The following MDN1 variants were observed in gnomAD, a reference collection of about 807,000 sequenced individuals.
MDN1 encodes the protein midasin.
Under a neutral mutation model 669.2 loss-of-function variants are expected in MDN1, and 266 were observed. The ratio of observed to expected loss-of-function variants is 0.40; its 90% CI spans 0.36 to 0.44. The LOEUF is 0.44. Ranked by LOEUF, MDN1 falls within the 20% of genes least tolerant of loss-of-function variation. The pLI is 1.00. For synonymous variants in MDN1, 2,385 were observed against 2,457.1 expected, an observed-to-expected ratio of 0.97 and a Z score of 0.87; for missense variants, 5,940 against 6,754.0, an observed-to-expected ratio of 0.88 and a Z score of 4.22.
At chr6:89,675,990 A>C (rs1811151128) in intron 77 of MDN1, 112 bp downstream of exon 77, 6 of 895,740 alleles carry the variant, frequency 6.7e-6, no homozygotes. Context: ...CAAAAAGCTC[A>C]GTTCCACTAA....
intron 2 of MDN1, among the ~76,000 whole-genome samples, chr6:89,795,402 C>T (rs1197386173): frequency 2.0e-5 from 3 of 151,248 alleles, no homozygotes; most frequent in East Asian, 1.9e-4. Context: ...TGAATGAAGA[C>T]GACAAGCCTG....
In MDN1 at chr6:89,664,521, A is replaced by G. The variant is rs771072191; in HGVS notation, c.14202T>C (p.Asp4734=). The stretch of plus-strand genomic sequence containing the variant: ...CAAGCTCCCCATCATGCATTTTCCC[A>G]TCAAAATCTTCCGACATCTCAATGG... ...DNAIEMSEDF[D]GKMHDGELEE... is the part of the protein sequence containing the mutation. The change falls in exon 85 of 102, where the codon GAT becomes GAC. Residue 4734 remains aspartate, a synonymous_variant. Coordinates refer to ENST00000369393, the MANE Select transcript of MDN1 (RefSeq NM_014611.3). The G allele has an allele frequency of 1.9e-6, 3 of 1,614,132 alleles. No individual in the cohort carries two copies. Among genetic ancestry groups the G allele is most frequent in the Non-Finnish European group, 1.7e-6 (2 of 1,180,010 alleles).
intron 23 of MDN1, 92 bp downstream of exon 23, chr6:89,751,339 A>C (rs1451088562): frequency 9.6e-6 from 14 of 1,457,182 alleles, no homozygotes; most frequent in Non-Finnish European, 1.3e-5. Flanking sequence ...AATAAGAATA[A>C]AGCTCTTTGA....
intron 83 of MDN1, among the ~76,000 whole-genome samples, chr6:89,670,274 A>C (rs1204460585): frequency 6.8e-6 from 1 of 146,102 alleles, no homozygotes; most frequent in Non-Finnish European, 1.5e-5. Context: ...CCCCGGGTTC[A>C]AACAATTCTC....
At chr6:89,727,460 A>G (rs1815312216) in intron 37 of MDN1, among the ~76,000 whole-genome samples, 4 of 152,146 alleles carry the variant, frequency 2.6e-5, no homozygotes, top group South Asian at 4.1e-4. Flanking sequence ...GTCATTTTGT[A>G]TGTCTTTCCT....
intron 71 of MDN1, 142 bp downstream of exon 71, chr6:89,684,734 T>C (rs1232264715): frequency 1.6e-5 from 9 of 560,854 alleles, no homozygotes; most frequent in South Asian, 5.1e-5. Flanking sequence ...GATGTACATA[T>C]TGCCATCCTC....
At chr6:89,710,128 C>A (rs541946711) in intron 50 of MDN1, among the ~76,000 whole-genome samples, 2 of 152,148 alleles carry the variant, frequency 1.3e-5, no homozygotes, top group East Asian at 3.8e-4. Flanking sequence ...TCAAATATCT[C>A]GTGGTTTGAA....
chr6:89,748,014 C>T (rs1816751560), intron 26 of MDN1, among the ~76,000 whole-genome samples: 1 of 151,320 alleles, frequency 6.6e-6, no homozygotes, highest in African/African-American at 2.4e-5. Flanking sequence ...TTTCTTATGC[C>T]ACATAGAAAA....
rs779474396 is a variant in MDN1, at chr6:89,743,660, T to C, written c.4233A>G (p.Leu1411=). The change falls in exon 30 of 102, where the codon TTA becomes TTG. Residue 1411 remains leucine, a synonymous_variant. Coordinates refer to ENST00000369393, the MANE Select transcript of MDN1 (RefSeq NM_014611.3). ...QVFAALANQK[L]YSVSCHLHME... is the part of the protein sequence containing the mutation. ...TGTGTAAGTGGCAGCTGACAGAGTATAATTTCTGATTTGCCAAGGCTGCAA... is the reference window on the plus strand; with the variant it reads ...TGTGTAAGTGGCAGCTGACAGAGTACAATTTCTGATTTGCCAAGGCTGCAA... The C allele has an allele frequency of 1.7e-5, 28 of 1,614,022 alleles. No homozygotes were observed. Among genetic ancestry groups the C allele is most frequent in the African/African-American group, 2.7e-5 (2 of 74,932 alleles).
rs779377591 is a variant in MDN1, at chr6:89,732,742, A to G, written c.4757T>C (p.Ile1586Thr). ...AAACTCTTGGTGGGTCAGCCAGTCAATGAAATCCAGCATCACTTCAGGTAT... is the reference window on the plus strand; with the variant it reads ...AAACTCTTGGTGGGTCAGCCAGTCAGTGAAATCCAGCATCACTTCAGGTAT... ...SDIPEVMLDF[I>T]DWLTHQEFGR... Residue 1586 changes from isoleucine (I) to threonine (T), a missense_variant, in exon 34 of 102, where the codon ATT becomes ACT. Ile to Thr is a moderately conservative substitution (Grantham distance 89, BLOSUM62 -1). This residue lies in a region of MDN1 where 2,292 missense variants were observed against 2,638.3 expected (regional missense o/e 0.87). Coordinates refer to ENST00000369393, the MANE Select transcript of MDN1 (RefSeq NM_014611.3). 15 of 1,614,152 alleles carry G rather than the reference A, an allele frequency of 9.3e-6. No homozygotes were observed. The highest frequency in any genetic ancestry group is 1.3e-5 in the Non-Finnish European group (15 of 1,179,994).
intron 1 of MDN1, among the ~76,000 whole-genome samples, chr6:89,812,139 C>T (rs999454065): frequency 6.6e-6 from 1 of 151,892 alleles, no homozygotes; most frequent in African/African-American, 2.4e-5. Flanking sequence ...GCATGCGCCA[C>T]CACACCCGGC....
Position 89,687,382 on chromosome 6 carries a change from G to T in MDN1, c.11412C>A (p.Ile3804=), listed in dbSNP as rs1386258431. 1 of 1,614,060 alleles carries T rather than the reference G, an allele frequency of 6.2e-7. No homozygotes were observed. Among genetic ancestry groups the T allele is most frequent in the East Asian group, 2.2e-5 (1 of 44,864 alleles). ...TACGCCACCGAATGATCATCTGACT[G>T]ATCAAATCAAGATGTTTCCGCAAAG... ...ALSLRKHLDL[I]SQMIIRWRKL... The change falls in exon 68 of 102, where the codon ATC becomes ATA. Residue 3804 remains isoleucine (I), a synonymous_variant. Transcript: ENST00000369393.
At chr6:89,793,726 G>C in intron 5 of MDN1, 36 bp downstream of exon 5, 1 of 1,558,524 alleles carries the variant, frequency 6.4e-7, no homozygotes, top group East Asian at 2.3e-5. Context: ...GTTTAGTAGG[G>C]GGAAGGGGAC....
chr6:89,687,477 C>G, intron 67 of MDN1, 39 bp from the exon 68 acceptor site: 1 of 1,561,912 alleles, frequency 6.4e-7, no homozygotes, highest in Non-Finnish European at 8.8e-7. Flanking sequence ...AGATATTATT[C>G]AATGCCATAA....
chr6:89,811,746 G>T (rs1328734880), intron 1 of MDN1, among the ~76,000 whole-genome samples: 1 of 151,932 alleles, frequency 6.6e-6, no homozygotes, highest in East Asian at 1.9e-4. Context: ...AACCAGCCAG[G>T]ATTTACTTCT....
At chr6:89,802,268 T>A (rs1267239258) in intron 2 of MDN1, among the ~76,000 whole-genome samples, 1 of 152,214 alleles carries the variant, frequency 6.6e-6, no homozygotes, top group Non-Finnish European at 1.5e-5. Flanking sequence ...CAACAGTGTT[T>A]TCCCCCAAGT....
intron 100 of MDN1, among the ~76,000 whole-genome samples, 194 bp from the exon 101 acceptor site, chr6:89,645,351 T>C (rs1166747830): frequency 6.6e-6 from 1 of 152,162 alleles, no homozygotes; most frequent in African/African-American, 2.4e-5. Flanking sequence ...AATGCTTGAG[T>C]CAGAGACAAG....
At chr6:89,779,030 CTTCT>C (rs1483055826) in intron 11 of MDN1, among the ~76,000 whole-genome samples, 1 of 150,952 alleles carries the variant, frequency 6.6e-6, no homozygotes, top group African/African-American at 2.4e-5. Flanking sequence ...CTATGCACAC[CTTCT>C]TTATTTAAAT....
intron 26 of MDN1, among the ~76,000 whole-genome samples, 168 bp downstream of exon 26, chr6:89,749,055 C>T (rs566576306): frequency 2.0e-5 from 3 of 151,830 alleles, no homozygotes; most frequent in Admixed American, 6.6e-5. Flanking sequence ...TAGAGTGAGA[C>T]TGTGTCTTGC....
Sources: gnomAD v4.1 joint callset for allele counts (sites outside exome capture counted in the v4.1 genomes callset) on GRCh38, gnomAD v4.1.1 for gene constraint, gnomAD v4.1.1 regional missense constraint, MANE v1.5 for transcripts, NCBI Gene and HGNC (gene_info 2026-07-23, HGNC 2026-07-21) for gene names.